Variants in FGF22 observed in about 807,000 individuals in gnomAD.
The protein encoded by FGF22 is FGF-22.
FGF22 carries 11 observed loss-of-function variants against 10.3 expected under a neutral mutation model. The ratio of observed to expected loss-of-function variants is 1.07; its 90% confidence interval spans 0.67 to 1.77. The LOEUF is 1.77. Among genes scored for constraint, FGF22 ranks in the 40% most tolerant of loss-of-function variants. FGF22 has a pLI of 0.00. For synonymous variants in FGF22, 136 were observed against 122.1 expected, an observed-to-expected ratio of 1.11 and a Z score of -0.75; for missense variants, 317 against 273.2, an observed-to-expected ratio of 1.16 and a Z score of -1.13.
At chr19:643,415 C>G (rs1225858639) in exon 3 of FGF22, 1 of 1,611,110 alleles carries the variant, frequency 6.2e-7, no homozygotes. Context: ...CGCAGCGACT[C>G]TACACCGTGG....
chr19:640,036 G>C, exon 1 of FGF22: 1 of 1,404,916 alleles, frequency 7.1e-7, no homozygotes, highest in Non-Finnish European at 9.3e-7. Context: ...CGCACCTGGA[G>C]GGCGACGTGC....
intron 1 of FGF22, chr19:641,005 G>C (rs1435874837): frequency 2.8e-6 from 1 of 360,898 alleles, no homozygotes; most frequent in Admixed American, 3.5e-5. Flanking sequence ...GGGTGGCCTC[G>C]GGCCGGGGCA....
At chr19:644,032 C>T (rs866287465) in exon 3 of FGF22, 19 of 208,306 alleles carry the variant, frequency 9.1e-5, no homozygotes, top group South Asian at 8.0e-4. Context: ...GCAAATACAA[C>T]GCCTTGCGAG....
At chr19:641,478 G>C (rs569974773) in intron 1 of FGF22, 125 of 333,168 alleles carry the variant, frequency 3.8e-4, no homozygotes, top group Admixed American at 6.8e-4. Context: ...GGGAGGCTGA[G>C]GCAGGAGAAT....
exon 3 of FGF22, chr19:643,527 A>T (rs200820027): frequency 6.3e-7 from 1 of 1,599,360 alleles, no homozygotes; most frequent in African/African-American, 1.3e-5. Context: ...GCTGGACAGG[A>T]GGGGGGGGCC....
At chr19:641,097 GTGAGGGCTAGC>G (rs1568183562) in intron 1 of FGF22, 1 of 445,228 alleles carries the variant, frequency 2.2e-6, no homozygotes, top group Non-Finnish European at 4.6e-6. Flanking sequence ...GGTGATGGGG[GTGAGGGCTAGC>G]TGAGGGCTCT....
chr19:640,437 G>C (rs1389919847), intron 1 of FGF22: 3 of 286,744 alleles, frequency 1.0e-5, no homozygotes, highest in African/African-American at 6.6e-5. Context: ...AGAGGGGCTG[G>C]GGCAGGCCCA....
chr19:643,619 G>A (rs111917795), exon 3 of FGF22: 112 of 1,499,458 alleles, frequency 7.5e-5, no homozygotes, highest in African/African-American at 7.0e-5. Context: ...CTGAGAGGCC[G>A]GCGGCTCCCC....
exon 3 of FGF22, chr19:643,611 G>C (rs1985989613): frequency 1.3e-6 from 2 of 1,512,172 alleles, no homozygotes; most frequent in Non-Finnish European, 1.8e-6. Context: ...CTGAGGCCCT[G>C]AGAGGCCGGC....
exon 3 of FGF22, chr19:643,607 C>T (rs1389012101): frequency 1.3e-6 from 2 of 1,514,426 alleles, no homozygotes; most frequent in Non-Finnish European, 1.8e-6. Flanking sequence ...TCTCCTGAGG[C>T]CCTGAGAGGC....
rs111994703 is a variant in FGF22, at chr19:642,228, C to T, written c.215-1007C>T. Among the ~76,000 whole-genome samples, 5 of 49,172 alleles carry T rather than the reference C, an allele frequency of 1.0e-4. 1 individual carries two copies. In the South Asian group the frequency reaches 2.4e-3, roughly 23 times the overall value. 32.3% of individuals were successfully genotyped at this position (49,172 alleles called of 152,430 possible). On this transcript the variant is annotated intron_variant, in intron 1 of 2. Coordinates refer to ENST00000215530, the Ensembl canonical transcript of FGF22. The stretch of plus-strand genomic sequence containing the variant: ...TGAGCTGTGAGGGCCGGGCTGGGGG[C>T]TCCATATGGGGTGGTGTGAGCTGTG...
Position 643,219 on chromosome 19 carries a change from C to T in FGF22, c.215-16C>T. 1 of 1,486,114 alleles carries T rather than the reference C, an allele frequency of 6.7e-7. No individual in the cohort carries two copies. The highest frequency in any genetic ancestry group is 9.0e-7 in the Non-Finnish European group (1 of 1,109,922). 92.1% of individuals were successfully genotyped at this position (1,486,114 alleles called of 1,614,324 possible). On this transcript the variant is annotated splice_polypyrimidine_tract_variant and intron_variant, in intron 1 of 2. Transcript: ENST00000215530. ...GGTGAGCCAGCAAGGCCCTCCCCGA[C>T]CCCCGCCTCCCCCAGGCATCCTGGA...
At chr19:640,255 C>A in intron 1 of FGF22, 116 bp downstream of exon 1, 1 of 640,550 alleles carries the variant, frequency 1.6e-6, no homozygotes, top group Non-Finnish European at 2.2e-6. Flanking sequence ...CTCTGTGCAG[C>A]CTCGGCCTCA....
intron 1 of FGF22, chr19:640,708 C>A (rs1233191037): frequency 5.6e-6 from 1 of 178,936 alleles, no homozygotes; most frequent in African/African-American, 2.4e-5. Context: ...CTGAGGTAGG[C>A]CCTCAGTGTT....
chr19:640,470 G>A (rs1312361619), intron 1 of FGF22: 7 of 233,270 alleles, frequency 3.0e-5, no homozygotes, highest in African/African-American at 1.6e-4. Flanking sequence ...AAGCGGCGGG[G>A]GGCTGACCTC....
chr19:643,937 A>G (rs1600619519), exon 3 of FGF22: 2 of 66,172 alleles, frequency 3.0e-5, no homozygotes, highest in Non-Finnish European at 6.0e-5. Context: ...TGGGGGCAGG[A>G]GCGGAGGGGA....
exon 1 of FGF22, chr19:639,925 C>A (rs1008301354): frequency 2.5e-6 from 3 of 1,222,732 alleles, no homozygotes; most frequent in South Asian, 3.6e-5. Flanking sequence ...GGTGCCGGGT[C>A]ATGCGCCGCC....
At chr19:643,411 G>T in exon 3 of FGF22, 3 of 1,610,682 alleles carry the variant, frequency 1.9e-6, no homozygotes, top group Non-Finnish European at 1.7e-6. Flanking sequence ...CGCCCGCAGC[G>T]ACTCTACACC....
chr19:640,000 C>T (rs957044085), exon 1 of FGF22: 8 of 1,304,670 alleles, frequency 6.1e-6, no homozygotes, highest in Admixed American at 4.0e-5. Flanking sequence ...GAACCCCGAG[C>T]GCGTCGCGGG....
Sources: gnomAD v4.1 joint callset for allele counts (sites outside exome capture counted in the v4.1 genomes callset) on GRCh38, gnomAD v4.1.1 for gene constraint, MANE v1.5 for transcripts, NCBI Gene and HGNC (gene_info 2026-07-23, HGNC 2026-07-21) for gene names.